TACR3: variants seen among roughly 807,000 people sequenced by gnomAD.
TACR3 encodes the protein neuromedin-K receptor.
TACR3 carries 34 observed loss-of-function variants against 35.0 expected under a neutral mutation model. The observed-to-expected ratio is 0.97, with a 90% CI of 0.74 to 1.30. The LOEUF (loss-of-function observed/expected upper bound fraction) is 1.30. Ranked by LOEUF, TACR3 falls within the 50% of genes most tolerant of loss-of-function variation. The pLI is 0.00. For missense variants in TACR3, 558 were observed against 591.7 expected (o/e 0.94, Z 0.59); for synonymous variants, 233 against 221.1 (o/e 1.05, Z -0.48).
chr4:103,689,329 A>T (rs1364092106), intron 1 of TACR3, among the ~76,000 whole-genome samples: 2 of 151,888 alleles, frequency 1.3e-5, no homozygotes, highest in Non-Finnish European at 1.5e-5. Context: ...GCAGCGCACC[A>T]GCATGTCACA....
intron 3 of TACR3, among the ~76,000 whole-genome samples, chr4:103,599,520 C>G (rs1181036514): frequency 6.6e-6 from 1 of 152,176 alleles, no homozygotes; most frequent in Non-Finnish European, 1.5e-5. Flanking sequence ...AGAGGGCATC[C>G]TTGTCTTGTG....
chr4:103,701,747 A>G (rs561241507), intron 1 of TACR3, among the ~76,000 whole-genome samples: 4 of 152,308 alleles, frequency 2.6e-5, no homozygotes, highest in East Asian at 1.9e-4. Flanking sequence ...ATAATGCCAC[A>G]TATCTACAAC....
At chr4:103,686,579 G>A (rs1032987820) in intron 1 of TACR3, among the ~76,000 whole-genome samples, 3 of 152,154 alleles carry the variant, frequency 2.0e-5, no homozygotes, top group Admixed American at 6.6e-5. Context: ...AGAATTCATA[G>A]TTGTTACATT....
At position 103,660,006 on chromosome 4, in the gene TACR3, C is replaced by T. The variant is rs577037159; in HGVS notation, c.549-1603G>A. Among the ~76,000 whole-genome samples the T allele has an allele frequency of 5.9e-5, 9 of 152,046 alleles. No homozygotes were observed. The South Asian group carries it at 1.0e-3, about 18-fold the overall frequency. On this transcript the variant is annotated intron_variant, in intron 1 of 4. Coordinates refer to ENST00000304883, the MANE Select transcript of TACR3 (RefSeq NM_001059.3). ...TTTTGATTTATGAAAAATTTTCAGACGTAATACTTTCATCAAAGAATGAAT... is the reference window on the plus strand; with the variant it reads ...TTTTGATTTATGAAAAATTTTCAGATGTAATACTTTCATCAAAGAATGAAT...
chr4:103,676,242 A>G lies in TACR3; in HGVS notation c.549-17839T>C, dbSNP rs181104563. ...AATTGTTTAACATTTGTACAGATAG[A>G]TGAATAATTGTTCACAAATGAGGAC... On this transcript the variant is annotated intron_variant, in intron 1 of 4. Coordinates refer to ENST00000304883, the MANE Select transcript of TACR3 (RefSeq NM_001059.3). Among the ~76,000 whole-genome samples, 718 of 152,358 alleles carry G rather than the reference A, an allele frequency of 4.7e-3. 2 individuals carry two copies. Among genetic ancestry groups the G allele is most frequent in the Non-Finnish European group, 8.4e-3 (574 of 68,042 alleles).
At chr4:103,651,070 T>A (rs28789415) in intron 3 of TACR3, among the ~76,000 whole-genome samples, 1 of 135,890 alleles carries the variant, frequency 7.4e-6, no homozygotes, top group African/African-American at 3.2e-5. Flanking sequence ...GGCTACCATC[T>A]ATGCTTGCAG....
At chr4:103,608,649 A>G (rs543112849) in intron 3 of TACR3, among the ~76,000 whole-genome samples, 5 of 152,186 alleles carry the variant, frequency 3.3e-5, no homozygotes, top group Admixed American at 1.3e-4. Flanking sequence ...AAAATTAAAC[A>G]TACTGAAAGG....
At chr4:103,701,359 T>C (rs1722645082) in intron 1 of TACR3, among the ~76,000 whole-genome samples, 1 of 151,734 alleles carries the variant, frequency 6.6e-6, no homozygotes, top group Non-Finnish European at 1.5e-5. Flanking sequence ...GAAGGACCTC[T>C]TCAAGGAGAA....
In TACR3 at chr4:103,589,746, T is replaced by C. The variant is rs1723851653; in HGVS notation, c.1334A>G (p.Lys445Arg). 6.2e-7 allele frequency: 1 copy of C among 1,613,828 alleles called. No homozygotes were observed. The highest frequency in any genetic ancestry group is 1.3e-5 in the African/African-American group (1 of 74,902). Residue 445 changes from lysine (K) to arginine (R), a missense_variant, in exon 5 of 5, where the codon AAA becomes AGA. Lys to Arg is a conservative substitution (Grantham distance 26). Transcript: ENST00000304883. ...SFNGCSRRNS[K>R]SASATSSFIS... is the part of the protein sequence containing the mutation. ...GAAACTTGAAGTGGCGGAGGCAGAT[T>C]TGGAATTCCTGCGAGAGCAGCCATT... is the stretch of plus-strand genomic sequence containing the variant.
At chr4:103,680,056 C>T (rs1209442268) in intron 1 of TACR3, among the ~76,000 whole-genome samples, 2 of 151,780 alleles carry the variant, frequency 1.3e-5, no homozygotes, top group Admixed American at 6.6e-5. Flanking sequence ...CTTGTTATGC[C>T]TCAAATTATA....
intron 3 of TACR3, among the ~76,000 whole-genome samples, chr4:103,599,957 A>T (rs1724153027): frequency 6.6e-6 from 1 of 152,134 alleles, no homozygotes; most frequent in African/African-American, 2.4e-5. Context: ...TATCAGGATG[A>T]TGCTGGCCTC....
intron 1 of TACR3, among the ~76,000 whole-genome samples, chr4:103,681,809 T>C (rs927542516): frequency 2.0e-5 from 3 of 152,126 alleles, no homozygotes; most frequent in African/African-American, 4.8e-5. Flanking sequence ...GCAGAATATA[T>C]ACTTTTCAAG....
intron 1 of TACR3, among the ~76,000 whole-genome samples, chr4:103,668,766 T>C (rs760805365): frequency 6.6e-6 from 1 of 151,674 alleles, no homozygotes; most frequent in African/African-American, 2.4e-5. Flanking sequence ...GGAGAATTGC[T>C]TGAACTCGGG....
intron 3 of TACR3, among the ~76,000 whole-genome samples, chr4:103,643,410 T>C (rs891977110): frequency 6.9e-6 from 1 of 145,656 alleles, no homozygotes; most frequent in African/African-American, 2.6e-5. Context: ...GGCGACAGAG[T>C]GAGACATTGT....
intron 3 of TACR3, among the ~76,000 whole-genome samples, chr4:103,613,305 A>G (rs1016449084): frequency 5.3e-5 from 8 of 152,320 alleles, no homozygotes; most frequent in African/African-American, 1.4e-4. Context: ...TCACATACCT[A>G]TAAAATGAGG....
chr4:103,586,764 A>G lies in TACR3; in HGVS notation c.*2918T>C, dbSNP rs1267946697. The G allele has an allele frequency of 1.3e-5, 2 of 151,616 alleles. No individual in the cohort carries two copies. The highest frequency in any genetic ancestry group is 2.9e-5 in the Non-Finnish European group (2 of 68,006). The allele number at this position is 151,616 out of a possible 1,614,324, so 9.4% of individuals were successfully genotyped here. A position where few individuals can be genotyped will look rare whatever the true frequency, so the allele number is the denominator to read the frequency against. ...AGTGTGCTGTACTTGGTAAAAAATA[A>G]AAAAGTGTGAGAGTGAATTCTGTAA... is the stretch of plus-strand genomic sequence containing the variant. On this transcript the variant is annotated 3_prime_UTR_variant, in exon 5 of 5. Transcript: ENST00000304883.
At chr4:103,613,655 A>G (rs143340345) in intron 3 of TACR3, among the ~76,000 whole-genome samples, 2 of 152,276 alleles carry the variant, frequency 1.3e-5, no homozygotes, top group Admixed American at 6.5e-5. Context: ...CTGGTAATAA[A>G]ATGAAAATTG....
intron 1 of TACR3, among the ~76,000 whole-genome samples, chr4:103,709,694 T>G (rs929943334): frequency 1.3e-5 from 2 of 152,074 alleles, no homozygotes; most frequent in African/African-American, 4.8e-5. Flanking sequence ...ATGCTCCAAT[T>G]AAAAGACACA....
chr4:103,604,936 C>T (rs1424790737), intron 3 of TACR3, among the ~76,000 whole-genome samples: 12 of 148,998 alleles, frequency 8.1e-5, no homozygotes, highest in Non-Finnish European at 1.3e-4. Flanking sequence ...CCCACTAACT[C>T]GTCATCTAGC....
Sources: gnomAD v4.1 joint callset for allele counts (sites outside exome capture counted in the v4.1 genomes callset) on GRCh38, gnomAD v4.1.1 for gene constraint, MANE v1.5 for transcripts, NCBI Gene and HGNC (gene_info 2026-07-23, HGNC 2026-07-21) for gene names.